Variants in LRRC4C observed in about 807,000 individuals in gnomAD.
LRRC4C encodes the protein leucine rich repeat containing 4C, also known as leucine-rich repeat-containing protein 4C.
Under a neutral mutation model 33.6 loss-of-function variants are expected in LRRC4C, and 5 were observed. The observed-to-expected ratio is 0.15, with a 90% CI of 0.08 to 0.31. The LOEUF is 0.31. Ranked by LOEUF, LRRC4C falls within the 10% of genes least tolerant of loss-of-function variation. The pLI is 1.00. For synonymous variants in LRRC4C, 329 were observed against 302.0 expected (o/e 1.09, Z -0.93); for missense variants, 560 against 796.7 (o/e 0.70, Z 3.58).
intron 3 of LRRC4C, among the ~76,000 whole-genome samples, chr11:40,471,569 C>G (rs1419526549): frequency 6.6e-6 from 1 of 151,674 alleles, no homozygotes; most frequent in Non-Finnish European, 1.5e-5. Context: ...GCTAAATACC[C>G]CAATTAAAAG....
At chr11:40,608,852 A>G (rs1431606025) in intron 3 of LRRC4C, among the ~76,000 whole-genome samples, 1 of 152,178 alleles carries the variant, frequency 6.6e-6, no homozygotes, top group Non-Finnish European at 1.5e-5. Context: ...TGTATATTAT[A>G]AAAGGACCAG....
chr11:40,370,760 C>T (rs1590485547), intron 3 of LRRC4C, among the ~76,000 whole-genome samples: 2 of 152,238 alleles, frequency 1.3e-5, no homozygotes, highest in South Asian at 4.1e-4. Flanking sequence ...AGCAACGAAG[C>T]TATGTACTGC....
rs200241665 is a variant in LRRC4C, at chr11:41,075,031, T to A, written c.-495-141308A>T. 2.8e-4 allele frequency among the ~76,000 whole-genome samples: 9 copies of A among 31,968 alleles called. 1 individual carries two copies. The highest frequency in any genetic ancestry group is 1.2e-3 in the African/African-American group (9 of 7,546). 21.0% of individuals were successfully genotyped at this position (31,968 alleles called of 152,430 possible). The stretch of plus-strand genomic sequence containing the variant: ...TCAATTTTCTTTTTTTTTTTTTTTT[T>A]TTTTTATTTTTAATGTTTTTTTTTT... On this transcript the variant is annotated intron_variant, in intron 1 of 6. Transcript: ENST00000528697.
intron 1 of LRRC4C, among the ~76,000 whole-genome samples, chr11:41,337,647 A>T (rs1313370279): frequency 6.6e-6 from 1 of 152,210 alleles, no homozygotes. Context: ...CATTATGAAA[A>T]GGCCAAAAGC....
rs71466923 is a variant in LRRC4C, at chr11:41,163,284, G to GTTTTTTTT, written c.-495-229569_-495-229562dup. On this transcript the variant is annotated intron_variant, in intron 1 of 6. Transcript: ENST00000528697. ...GTAATAAACTTAGTTTACTGTAACT[G>GTTTTTTTT]TTTTTTTTTTTTTTTTTCAAACAGG... Among the ~76,000 whole-genome samples, 703 of 73,340 alleles carry GTTTTTTTT rather than the reference G, an allele frequency of 9.6e-3. 180 individuals are homozygous for GTTTTTTTT. The highest frequency in any genetic ancestry group is 0.019 in the African/African-American group (387 of 19,860). 48.1% of individuals were successfully genotyped at this position (73,340 alleles called of 152,430 possible).
rs71060962 is a variant in LRRC4C at position 40,451,366 on chromosome 11, C to CTTTTTTT, written c.-269-131652_-269-131646dup. On this transcript the variant is annotated intron_variant, in intron 3 of 6. Transcript: ENST00000528697. ...ACTATTAGCCTTACAGAAATAATGA[C>CTTTTTTT]TTTTTTTTTTTTTTTTTTTTTTTTT... 1.1e-3 allele frequency among the ~76,000 whole-genome samples: 50 copies of CTTTTTTT among 47,088 alleles called. 21 individuals carry two copies. The highest frequency in any genetic ancestry group is 3.3e-3 in the African/African-American group (35 of 10,754). 30.9% of individuals were successfully genotyped at this position (47,088 alleles called of 152,430 possible).
intron 2 of LRRC4C, among the ~76,000 whole-genome samples, chr11:40,721,437 T>G (rs931923209): frequency 6.6e-6 from 1 of 152,244 alleles, no homozygotes; most frequent in African/African-American, 2.4e-5. Flanking sequence ...AAATGTTTGT[T>G]GTTTAAGCCA....
At chr11:41,160,305 G>C (rs1020304265) in intron 1 of LRRC4C, among the ~76,000 whole-genome samples, 5 of 151,554 alleles carry the variant, frequency 3.3e-5, no homozygotes, top group Non-Finnish European at 7.4e-5. Context: ...GGAGATCAAG[G>C]CTGTATTGCA....
chr11:41,265,571 C>T (rs1018128870), intron 1 of LRRC4C, among the ~76,000 whole-genome samples: 46 of 152,006 alleles, frequency 3.0e-4, no homozygotes, highest in African/African-American at 1.0e-3. Context: ...TCTAGCTTAA[C>T]TGAGAGAAAA....
At chr11:40,839,733 G>A (rs1347932848) in intron 2 of LRRC4C, among the ~76,000 whole-genome samples, 2 of 152,170 alleles carry the variant, frequency 1.3e-5, no homozygotes, top group Non-Finnish European at 1.5e-5. Flanking sequence ...CTTCAAAACT[G>A]TTAAACGCTA....
chr11:41,220,227 T>C (rs1947241473), intron 1 of LRRC4C, among the ~76,000 whole-genome samples: 1 of 152,164 alleles, frequency 6.6e-6, no homozygotes, highest in African/African-American at 2.4e-5. Context: ...ATGTACTAAC[T>C]CACTGATTGT....
intron 3 of LRRC4C, among the ~76,000 whole-genome samples, chr11:40,582,521 T>G (rs1958515968): frequency 6.7e-6 from 1 of 149,560 alleles, no homozygotes; most frequent in Non-Finnish European, 1.5e-5. Context: ...CAGTTTTTTT[T>G]TTTTTTTTTT....
At chr11:40,440,030 G>A (rs569247304) in intron 3 of LRRC4C, among the ~76,000 whole-genome samples, 1 of 152,318 alleles carries the variant, frequency 6.6e-6, no homozygotes, top group South Asian at 2.1e-4. Context: ...CAATGACACA[G>A]TTGAACAGTT....
chr11:40,828,111 ACGATATGTAT>A, intron 2 of LRRC4C, among the ~76,000 whole-genome samples: 1 of 151,048 alleles, frequency 6.6e-6, no homozygotes. Flanking sequence ...CTTGAACAAA[ACGATATGTAT>A]ACTGCCCTTT....
intron 5 of LRRC4C, among the ~76,000 whole-genome samples, chr11:40,149,544 A>G (rs1322664434): frequency 6.6e-6 from 1 of 152,030 alleles, no homozygotes; most frequent in East Asian, 1.9e-4. Context: ...TTGTATCCTG[A>G]GACTTTGCTG....
intron 3 of LRRC4C, among the ~76,000 whole-genome samples, chr11:40,425,588 G>C (rs187203654): frequency 2.0e-5 from 3 of 152,152 alleles, no homozygotes; most frequent in Non-Finnish European, 4.4e-5. Flanking sequence ...TACCCATTGG[G>C]TAAGAAGTTA....
chr11:40,145,951 G>T (rs1157753587), intron 5 of LRRC4C, among the ~76,000 whole-genome samples: 1 of 152,150 alleles, frequency 6.6e-6, no homozygotes, highest in East Asian at 1.9e-4. Flanking sequence ...AATTATAAAT[G>T]CTACCAAATC....
Position 40,779,169 on chromosome 11 carries a change from T to C in LRRC4C, c.-406-130891A>G, listed in dbSNP as rs1022032638. 9.9e-5 allele frequency among the ~76,000 whole-genome samples: 15 copies of C among 152,186 alleles called. No homozygotes were observed. In the South Asian group the frequency reaches 3.1e-3, roughly 32 times the overall value. Reference sequence around the variant, plus strand: ...TTGGCCTCTGTTATAGATATTGTGTTTTCTGATAGCATGGAAGCAAGCAGT... The same window carrying C: ...TTGGCCTCTGTTATAGATATTGTGTCTTCTGATAGCATGGAAGCAAGCAGT... On this transcript the variant is annotated intron_variant, in intron 2 of 6. Coordinates refer to ENST00000528697, the MANE Select transcript of LRRC4C (RefSeq NM_001258419.2).
intron 1 of LRRC4C, among the ~76,000 whole-genome samples, chr11:40,972,272 G>T (rs1851779323): frequency 6.6e-6 from 1 of 152,122 alleles, no homozygotes; most frequent in East Asian, 1.9e-4. Context: ...CAGTAGCTGG[G>T]ATTACAAGCA....
Sources: allele counts gnomAD v4.1 joint callset (sites outside exome capture counted in the v4.1 genomes callset), GRCh38; gene constraint gnomAD v4.1.1; transcripts MANE v1.5; gene names NCBI Gene and HGNC (gene_info 2026-07-23, HGNC 2026-07-21).